The following TCP10L variants were observed in gnomAD, a reference collection of about 807,000 sequenced individuals.
TCP10L encodes the protein T-complex protein 10A homolog 1.
In TCP10L, 11 loss-of-function variants were observed where a neutral mutation model predicts 19.2. The ratio of observed to expected loss-of-function variants is 0.57; its 90% CI spans 0.36 to 0.95. The LOEUF (loss-of-function observed/expected upper bound fraction) is 0.95. Ranked by LOEUF, TCP10L falls within the 40% of genes least tolerant of loss-of-function variation. The probability of loss-of-function intolerance (pLI) is 0.01; values close to 1 mark genes in which losing one functional copy is unlikely to be tolerated. For missense variants in TCP10L, 247 were observed against 263.9 expected (o/e 0.94, Z 0.44); for synonymous variants, 96 against 97.2 (o/e 0.99, Z 0.07).
chr21:32,576,785 C>T lies in TCP10L; in HGVS notation c.637G>A (p.Gly213Arg), dbSNP rs777788762. The T allele has an allele frequency of 1.2e-6, 2 of 1,613,360 alleles. No individual in the cohort carries two copies. Among genetic ancestry groups the T allele is most frequent in the Non-Finnish European group, 1.7e-6 (2 of 1,179,860 alleles). ...CCACCTTTCCATCTTCAGACACCCCCCCGTCTCTCTGCACAGGGAGTTGGC... is the reference window on the plus strand; with the variant it reads ...CCACCTTTCCATCTTCAGACACCCCTCCGTCTCTCTGCACAGGGAGTTGGC... ...GRPTPCAERR[G>R]GV The change falls in exon 5 of 5, where the codon GGG (glycine) becomes AGG (arginine). Residue 213 changes from glycine (G) to arginine (R), a missense_variant. Transcript: ENST00000300258.
At chr21:32,585,382 C>A in intron 1 of TCP10L, 39 bp downstream of exon 1, 1 of 178,904 alleles carries the variant, frequency 5.6e-6, no homozygotes, top group Non-Finnish European at 1.2e-5. Context: ...CAGGGAAGAC[C>A]CTTTCCTTCA....
rs1391554988 is a variant in TCP10L, at chr21:32,576,794, C to T, written c.628G>A (p.Glu210Lys). ...TPTGRPTPCA[E>K]RRGGV is the part of the protein sequence containing the mutation. The stretch of plus-strand genomic sequence containing the variant: ...CATCTTCAGACACCCCCCCGTCTCT[C>T]TGCACAGGGAGTTGGCCTTCCAGTA... Residue 210 changes from glutamate (E) to lysine (K), a missense_variant, in exon 5 of 5, where the codon GAG (glutamate) becomes AAG (lysine). Transcript: ENST00000300258. The T allele has an allele frequency of 7.4e-6, 12 of 1,613,860 alleles. 1 individual carries two copies. In the African/African-American group the frequency reaches 1.5e-4, roughly 20 times the overall value.
Position 32,576,118 on chromosome 21 carries a change from C to T in TCP10L, c.*656G>A. On this transcript the variant is annotated 3_prime_UTR_variant, in exon 5 of 5. Transcript: ENST00000300258. ...TAGGCAGCTCCAGGAAGGACATGTC[C>T]TTGCCATAGTAAGATGTTCTGCTCA... 1.4e-6 allele frequency: 1 copy of T among 737,684 alleles called. No individual in the cohort carries two copies. The highest frequency in any genetic ancestry group is 2.9e-5 in the East Asian group (1 of 34,324). 45.7% of individuals were successfully genotyped at this position (737,684 alleles called of 1,614,324 possible).
rs770104098 is a variant in TCP10L at position 32,576,893 on chromosome 21, A to G, written c.529T>C (p.Ser177Pro). The G allele has an allele frequency of 1.9e-6, 3 of 1,614,036 alleles. No individual in the cohort carries two copies. Among genetic ancestry groups the G allele is most frequent in the Non-Finnish European group, 1.7e-6 (2 of 1,179,988 alleles). The change falls in exon 5 of 5, where the codon TCG becomes CCG. Residue 177 changes from serine to proline, a missense_variant. Ser to Pro is a moderately conservative substitution (Grantham distance 74, BLOSUM62 -1). Transcript: ENST00000300258. Reference protein sequence around the residue: ...PMSLKIERISSWKTPPQENRD... With the variant: ...PMSLKIERISPWKTPPQENRD... ...TTTTCCTGTGGTGGTGTTTTCCACGAGCTAATTCTTTCTATCTTTAAACTC... is the reference window on the plus strand; with the variant it reads ...TTTTCCTGTGGTGGTGTTTTCCACGGGCTAATTCTTTCTATCTTTAAACTC...
chr21:32,583,332 G>A (rs904399277), intron 2 of TCP10L, among the ~76,000 whole-genome samples: 1 of 152,038 alleles, frequency 6.6e-6, no homozygotes, highest in Non-Finnish European at 1.5e-5. Context: ...GCTCACGCCT[G>A]TAATCCCAGC....
In TCP10L at chr21:32,576,026, T is replaced by G; in HGVS notation, c.*748A>C. 1 of 375,002 alleles carries G rather than the reference T, an allele frequency of 2.7e-6. No homozygotes were observed. Among genetic ancestry groups the G allele is most frequent in the East Asian group, 4.6e-5 (1 of 21,686 alleles). 23.2% of individuals were successfully genotyped at this position (375,002 alleles called of 1,614,324 possible). On this transcript the variant is annotated 3_prime_UTR_variant, in exon 5 of 5. Coordinates refer to ENST00000300258, the MANE Select transcript of TCP10L (RefSeq NM_144659.7). ...GTGGGCTGTGTGTGGGGTGGAGGGC[T>G]GGGGGTGTTGGCAAGTCTCACAGGT... is the stretch of plus-strand genomic sequence containing the variant.
In TCP10L at chr21:32,582,059, G is replaced by A. The variant is rs2038500283; in HGVS notation, c.360+141C>T. 1.1e-5 allele frequency: 10 copies of A among 905,506 alleles called. No homozygotes were observed. Among genetic ancestry groups the A allele is most frequent in the Admixed American group, 4.9e-5 (2 of 41,090 alleles). The allele number at this position is 905,506 out of a possible 1,614,324, so 56.1% of individuals were successfully genotyped here. ...TTAATCATTACTTACGGGAAATGGA[G>A]TTGATGGAAAGATAGCAACCCCTCC... On this transcript the variant is annotated intron_variant, in intron 3 of 4. Coordinates refer to ENST00000300258, the MANE Select transcript of TCP10L (RefSeq NM_144659.7). The surrounding 1 kb of genome is among the most constrained non-coding windows in gnomAD (Gnocchi z 4.2).
At chr21:32,580,397 C>T (rs528160484) in intron 3 of TCP10L, among the ~76,000 whole-genome samples, 91 of 152,016 alleles carry the variant, frequency 6.0e-4, no homozygotes, top group African/African-American at 2.0e-3. Context: ...TGAGCCACCG[C>T]GCCCAGCTGT....
rs902389649 is a variant in TCP10L at position 32,582,070 on chromosome 21, G to T, written c.360+130C>A. 7.7e-6 allele frequency: 8 copies of T among 1,041,860 alleles called. No individual in the cohort carries two copies. Among genetic ancestry groups the T allele is most frequent in the Non-Finnish European group, 9.9e-6 (7 of 703,592 alleles). The allele number at this position is 1,041,860 out of a possible 1,614,324, so 64.5% of individuals were successfully genotyped here. A position where few individuals can be genotyped will look rare whatever the true frequency, so the allele number is the denominator to read the frequency against. On this transcript the variant is annotated intron_variant, in intron 3 of 4. Coordinates refer to ENST00000300258, the MANE Select transcript of TCP10L (RefSeq NM_144659.7). This position sits in a 1 kb window ranked among gnomAD's most constrained non-coding sequence, Gnocchi z 4.2. ...TTACGGGAAATGGAGTTGATGGAAA[G>T]ATAGCAACCCCTCCCACCACCCGGA...
intron 3 of TCP10L, among the ~76,000 whole-genome samples, chr21:32,581,610 GT>G (rs2038495443): frequency 6.6e-6 from 1 of 152,156 alleles, no homozygotes; most frequent in Non-Finnish European, 1.5e-5. Flanking sequence ...GGTTTGAGCA[GT>G]GGGGAACCAA....
chr21:32,580,801 G>A (rs1299848598), intron 3 of TCP10L, among the ~76,000 whole-genome samples: 1 of 152,202 alleles, frequency 6.6e-6, no homozygotes, highest in Non-Finnish European at 1.5e-5. Flanking sequence ...TTTGAGCGGT[G>A]TGATCAAACG....
At chr21:32,580,356 T>C (rs989403192) in intron 3 of TCP10L, among the ~76,000 whole-genome samples, 1 of 151,982 alleles carries the variant, frequency 6.6e-6, no homozygotes, top group Non-Finnish European at 1.5e-5. Flanking sequence ...TCCACCTGCC[T>C]CGGCCTCCCA....
At chr21:32,583,092 T>C (rs1212152374) in intron 2 of TCP10L, among the ~76,000 whole-genome samples, 1 of 136,836 alleles carries the variant, frequency 7.3e-6, no homozygotes, top group Non-Finnish European at 1.5e-5. Flanking sequence ...TGGAGTGCAG[T>C]GGCGCAGTCT....
In TCP10L at chr21:32,582,187, G is replaced by T. The variant is rs13053012; in HGVS notation, c.360+13C>A. 0.022 allele frequency: 35,764 copies of T among 1,611,196 alleles called. 477 individuals are homozygous for T. The highest frequency in any genetic ancestry group is 0.026 in the Non-Finnish European group (30,534 of 1,178,932). Reference sequence around the variant, plus strand: ...ACGCAAACGGTACAAAAACATAAATGCGCTTTTGGTACCAGAGTGTGCGAT... The same window carrying T: ...ACGCAAACGGTACAAAAACATAAATTCGCTTTTGGTACCAGAGTGTGCGAT... On this transcript the variant is annotated intron_variant, in intron 3 of 4. Transcript: ENST00000300258. This position sits in a 1 kb window ranked among gnomAD's most constrained non-coding sequence, Gnocchi z 4.2.
chr21:32,576,846 C>T lies in TCP10L; in HGVS notation c.576G>A (p.Arg192=), dbSNP rs767630927. 12 of 1,614,056 alleles carry T rather than the reference C, an allele frequency of 7.4e-6. No homozygotes were observed. In the South Asian group the frequency reaches 1.3e-4, roughly 18 times the overall value. ...PQENRDKNLS[R]RRQDRRATPT... is the part of the protein sequence containing the mutation. ...GTGTTGCTCTTCTGTCTTGACGTCT[C>T]CTGGAAAGATTTTTATCTCTATTTT... Residue 192 remains arginine (R), a synonymous_variant, in exon 5 of 5, where the codon AGG becomes AGA. Coordinates refer to ENST00000300258, the MANE Select transcript of TCP10L (RefSeq NM_144659.7).
intron 3 of TCP10L, among the ~76,000 whole-genome samples, chr21:32,581,938 G>A (rs1410936021): frequency 6.6e-6 from 1 of 152,152 alleles, no homozygotes; most frequent in Non-Finnish European, 1.5e-5. Flanking sequence ...ATCATGAGAT[G>A]TCTTAGAATT....
rs1487590168 is a variant in TCP10L, at chr21:32,578,430, G to A, written c.498+264C>T. Among the ~76,000 whole-genome samples, 1 of 152,240 alleles carries A rather than the reference G, an allele frequency of 6.6e-6. No homozygotes were observed. The highest frequency in any genetic ancestry group is 2.1e-4 in the South Asian group (1 of 4,836). ...GGAAACAAAGCCCCCAAGTCCCCTC[G>A]GCCCCAGCCAGACGCTTGCTGCTGT... On this transcript the variant is annotated intron_variant, in intron 4 of 4. Coordinates refer to ENST00000300258, the MANE Select transcript of TCP10L (RefSeq NM_144659.7). The surrounding 1 kb of genome is among the most constrained non-coding windows in gnomAD (Gnocchi z 4.2).
At position 32,576,188 on chromosome 21, in the gene TCP10L, A is replaced by G; in HGVS notation, c.*586T>C. The G allele has an allele frequency of 7.7e-7, 1 of 1,302,322 alleles. No individual in the cohort carries two copies. The highest frequency in any genetic ancestry group is 2.1e-5 in the Admixed American group (1 of 46,904). 80.7% of individuals were successfully genotyped at this position (1,302,322 alleles called of 1,614,324 possible). A position where few individuals can be genotyped will look rare whatever the true frequency, so the allele number is the denominator to read the frequency against. On this transcript the variant is annotated 3_prime_UTR_variant, in exon 5 of 5. Coordinates refer to ENST00000300258, the MANE Select transcript of TCP10L (RefSeq NM_144659.7). ...CCCGCATTTCACGGGGAGCATAGAA[A>G]CAGGAGTCCCCAACTCTGCTCACCA...
At chr21:32,579,238 CT>C (rs1439293046) in intron 3 of TCP10L, among the ~76,000 whole-genome samples, 1 of 152,226 alleles carries the variant, frequency 6.6e-6, no homozygotes, top group Non-Finnish European at 1.5e-5. Flanking sequence ...AAATTCCCAA[CT>C]TTCCCTGTTA....
Sources: allele counts gnomAD v4.1 joint callset (sites outside exome capture counted in the v4.1 genomes callset), GRCh38; gene constraint gnomAD v4.1.1; non-coding constraint Gnocchi (gnomAD v3.1); transcripts MANE v1.5; gene names NCBI Gene and HGNC (gene_info 2026-07-23, HGNC 2026-07-21).